The following SSH2 variants were observed in gnomAD, a reference collection of about 807,000 sequenced individuals.
SSH2 encodes slingshot protein phosphatase 2, also known as protein phosphatase Slingshot homolog 2.
In SSH2, 37 loss-of-function variants were observed where a neutral mutation model predicts 135.2. The ratio of observed to expected loss-of-function variants is 0.27; its 90% CI spans 0.21 to 0.36. SSH2 has a LOEUF of 0.36. SSH2 is among the 10% of genes least tolerant of loss of function. SSH2 has a pLI of 1.00. For missense variants in SSH2, 1,408 were observed against 1,765.3 expected, an observed-to-expected ratio of 0.80 and a Z score of 3.63; for synonymous variants, 628 against 646.2, an observed-to-expected ratio of 0.97 and a Z score of 0.43.
chr17:29,684,420 T>G, intron 6 of SSH2, 143 bp downstream of exon 6: 1 of 696,192 alleles, frequency 1.4e-6, no homozygotes, highest in South Asian at 2.0e-5. Flanking sequence ...GAGGTTGCAG[T>G]GAGCCGAGAT....
intron 3 of SSH2, among the ~76,000 whole-genome samples, chr17:29,718,187 T>C (rs1246683306): frequency 3.3e-5 from 5 of 152,212 alleles, no homozygotes; most frequent in Non-Finnish European, 5.9e-5. Flanking sequence ...CTTGAAACTT[T>C]CTTATTATTC....
intron 3 of SSH2, chr17:29,761,374 CGCCG>C: frequency 9.4e-7 from 1 of 1,065,184 alleles, no homozygotes; most frequent in Non-Finnish European, 1.1e-6. Context: ...GAGGCGGGCC[CGCCG>C]GGTCGCGCGG....
At chr17:29,798,372 T>A (rs912559425) in intron 2 of SSH2, among the ~76,000 whole-genome samples, 2 of 151,810 alleles carry the variant, frequency 1.3e-5, no homozygotes, top group Non-Finnish European at 2.9e-5. Flanking sequence ...TTGGCCAGGG[T>A]GGTCTCGAAC....
chr17:29,638,509 TACACACACACACACAC>T (rs71138839), intron 14 of SSH2, among the ~76,000 whole-genome samples: 175 of 128,960 alleles, frequency 1.4e-3, no homozygotes, highest in South Asian at 2.8e-3. Flanking sequence ...TTCTATATTT[TACACACACACACACAC>T]ACACACACAC....
chr17:29,741,611 C>CTTTTT (rs6146027), intron 3 of SSH2, among the ~76,000 whole-genome samples: 1 of 140,772 alleles, frequency 7.1e-6, no homozygotes, highest in African/African-American at 2.8e-5. Flanking sequence ...AATCCCCCTC[C>CTTTTT]TTTTTTTTTT....
intron 3 of SSH2, among the ~76,000 whole-genome samples, chr17:29,753,926 T>C (rs2041034221): frequency 1.3e-5 from 2 of 152,194 alleles, no homozygotes; most frequent in Non-Finnish European, 2.9e-5. Flanking sequence ...AAAGAAATGT[T>C]TACATATGTA....
intron 6 of SSH2, among the ~76,000 whole-genome samples, chr17:29,680,237 A>C (rs2037915103): frequency 6.6e-6 from 1 of 152,050 alleles, no homozygotes; most frequent in Admixed American, 6.6e-5. Flanking sequence ...GCTTTCCACT[A>C]CACTTGCTGG....
In SSH2 at chr17:29,930,014, G is replaced by T; in HGVS notation, c.-14C>A. The T allele has an allele frequency of 6.3e-7, 1 of 1,591,318 alleles. No homozygotes were observed. The highest frequency in any genetic ancestry group is 8.6e-7 in the Non-Finnish European group (1 of 1,169,372). The stretch of plus-strand genomic sequence containing the variant: ...GACCAAAGCCATCTAGGCGCTGCTG[G>T]GTTGTTCCGGGCAGGGCATTCTTGT... On this transcript the variant is annotated 5_prime_UTR_variant, in exon 1 of 16. Coordinates refer to ENST00000540801, the MANE Select transcript of SSH2 (RefSeq NM_001282129.2).
chr17:29,830,054 T>C (rs1033172715), intron 2 of SSH2, among the ~76,000 whole-genome samples: 1 of 152,090 alleles, frequency 6.6e-6, no homozygotes, highest in Non-Finnish European at 1.5e-5. Flanking sequence ...TTAGCCAGGA[T>C]GGTCTTGATC....
intron 3 of SSH2, among the ~76,000 whole-genome samples, chr17:29,762,733 T>C (rs2729449): frequency 0.58 from 87,973 of 152,030 alleles, 27,310 homozygotes; most frequent in African/African-American, 0.81. Flanking sequence ...CTCCTGCATG[T>C]TGTGCTCACA....
chr17:29,650,935 A>G (rs1311315205), intron 12 of SSH2, 135 bp from the exon 13 acceptor site: 2 of 668,796 alleles, frequency 3.0e-6, no homozygotes, highest in Non-Finnish European at 4.6e-6. Flanking sequence ...GACAGCTAAA[A>G]AACTAAGAGG....
chr17:29,695,940 A>G (rs1486982487), intron 4 of SSH2, among the ~76,000 whole-genome samples: 1 of 152,048 alleles, frequency 6.6e-6, no homozygotes, highest in African/African-American at 2.4e-5. Flanking sequence ...ATTATCCATA[A>G]CTTTTAAAAA....
At chr17:29,855,871 C>G (rs2151397138) in intron 1 of SSH2, 1 of 182,986 alleles carries the variant, frequency 5.5e-6, no homozygotes, top group Non-Finnish European at 1.1e-5. Context: ...GGAGGGACTT[C>G]AATTACATCA....
At chr17:29,834,729 C>T (rs1416948143) in intron 2 of SSH2, among the ~76,000 whole-genome samples, 2 of 152,074 alleles carry the variant, frequency 1.3e-5, no homozygotes, top group Non-Finnish European at 2.9e-5. Flanking sequence ...ACTTAATTCT[C>T]AGATCCATCT....
chr17:29,859,877 G>A lies in SSH2; in HGVS notation c.64-10948C>T, dbSNP rs142849020. Among the ~76,000 whole-genome samples, 413 of 152,062 alleles carry A rather than the reference G, an allele frequency of 2.7e-3. 2 individuals carry two copies. The highest frequency in any genetic ancestry group is 9.1e-3 in the African/African-American group (377 of 41,464). On this transcript the variant is annotated intron_variant, in intron 1 of 15. Coordinates refer to ENST00000540801, the MANE Select transcript of SSH2 (RefSeq NM_001282129.2). ...TTTTGTTTTTTTGAGATGGAGTTTC[G>A]CTCTTGTTTTCCAGGCTGGAGTGCA...
chr17:29,830,332 C>T (rs562735029), intron 2 of SSH2, among the ~76,000 whole-genome samples: 1 of 152,252 alleles, frequency 6.6e-6, no homozygotes, highest in Admixed American at 6.5e-5. Context: ...TAACTTTTCC[C>T]TGGTTGACTT....
chr17:29,768,124 CT>C (rs959203244), intron 3 of SSH2, among the ~76,000 whole-genome samples: 2 of 151,880 alleles, frequency 1.3e-5, no homozygotes, highest in Non-Finnish European at 2.9e-5. Context: ...CTTCTATACC[CT>C]GTCTTTTACA....
chr17:29,917,347 T>C (rs2066900095), intron 1 of SSH2, among the ~76,000 whole-genome samples: 1 of 152,256 alleles, frequency 6.6e-6, no homozygotes, highest in African/African-American at 2.4e-5. Flanking sequence ...TCCCTGACCA[T>C]TATCCCCTTT....
chr17:29,833,163 T>C (rs1348549739), intron 2 of SSH2, among the ~76,000 whole-genome samples: 1 of 152,224 alleles, frequency 6.6e-6, no homozygotes, highest in Non-Finnish European at 1.5e-5. Context: ...TGGATGATCT[T>C]TCCAATATTG....
Sources: allele counts gnomAD v4.1 joint callset (sites outside exome capture counted in the v4.1 genomes callset), GRCh38; gene constraint gnomAD v4.1.1; transcripts MANE v1.5; gene names NCBI Gene and HGNC (gene_info 2026-07-23, HGNC 2026-07-21).